The following CTNNA2 variants were observed in gnomAD, a reference collection of about 807,000 sequenced individuals.
CTNNA2 encodes the protein catenin alpha-2.
CTNNA2 carries 42 observed loss-of-function variants against 101.0 expected under a neutral mutation model. The observed-to-expected ratio is 0.42, with a 90% CI of 0.32 to 0.54. The LOEUF is 0.54. Among genes scored for constraint, CTNNA2 ranks in the 20% least tolerant of loss-of-function variants. The probability of loss-of-function intolerance (pLI) is 0.14; values close to 1 mark genes in which losing one functional copy is unlikely to be tolerated. For synonymous variants in CTNNA2, 450 were observed against 456.4 expected (o/e 0.99, Z 0.18); for missense variants, 871 against 1,223.1 (o/e 0.71, Z 4.29).
intron 7 of CTNNA2, among the ~76,000 whole-genome samples, chr2:80,360,826 A>G (rs145438144): frequency 1.0e-3 from 159 of 152,296 alleles, no homozygotes; most frequent in African/African-American, 3.6e-3. Context: ...ATGGAGATCT[A>G]TGCAGAACCT....
At chr2:79,790,450 G>A (rs1195613971) in intron 3 of CTNNA2, among the ~76,000 whole-genome samples, 4 of 152,138 alleles carry the variant, frequency 2.6e-5, no homozygotes, top group Non-Finnish European at 2.9e-5. Context: ...AGGGTAAAAT[G>A]CCAAAAAGAG....
chr2:79,303,233 C>T (rs559933528), intron 2 of CTNNA2, among the ~76,000 whole-genome samples: 2 of 152,284 alleles, frequency 1.3e-5, no homozygotes, highest in African/African-American at 4.8e-5. Flanking sequence ...GGTTCTGACC[C>T]AGGATCCACG....
At chr2:80,070,993 T>C (rs909615680) in intron 7 of CTNNA2, among the ~76,000 whole-genome samples, 4 of 152,234 alleles carry the variant, frequency 2.6e-5, no homozygotes, top group Non-Finnish European at 5.9e-5. Context: ...CAGAATAATC[T>C]TCCTATCTCA....
intron 1 of CTNNA2, among the ~76,000 whole-genome samples, chr2:79,596,667 C>T (rs903146759): frequency 1.3e-5 from 2 of 152,184 alleles, no homozygotes; most frequent in African/African-American, 4.8e-5. Flanking sequence ...TTCTTTGCAA[C>T]TGCTTTGCAC....
intron 1 of CTNNA2, among the ~76,000 whole-genome samples, chr2:79,641,175 G>T (rs546857096): frequency 1.3e-5 from 2 of 152,294 alleles, no homozygotes; most frequent in South Asian, 4.1e-4. Context: ...TTGGAAAAGA[G>T]AATTAAGCAG....
At chr2:80,348,981 G>C (rs1345946268) in intron 7 of CTNNA2, among the ~76,000 whole-genome samples, 1 of 152,098 alleles carries the variant, frequency 6.6e-6, no homozygotes, top group Non-Finnish European at 1.5e-5. Context: ...ATACTAAAAG[G>C]TTATTTCAGA....
chr2:80,546,091 A>G, intron 11 of CTNNA2, 28 bp downstream of exon 11: 1 of 1,610,922 alleles, frequency 6.2e-7, no homozygotes. Flanking sequence ...GTCCCTTACA[A>G]GGCAGCTGGA....
At chr2:80,188,079 T>C (rs1007558811) in intron 7 of CTNNA2, among the ~76,000 whole-genome samples, 2 of 152,216 alleles carry the variant, frequency 1.3e-5, no homozygotes, top group African/African-American at 2.4e-5. Flanking sequence ...AACCTATTGT[T>C]TCTCCATTAC....
chr2:80,606,490 C>T (rs570065317), intron 16 of CTNNA2, among the ~76,000 whole-genome samples: 13 of 151,214 alleles, frequency 8.6e-5, no homozygotes, highest in African/African-American at 1.9e-4. Flanking sequence ...TCAAAATAAA[C>T]GGATTAAGTT....
chr2:80,550,317 T>C (rs1001783846), intron 11 of CTNNA2, among the ~76,000 whole-genome samples: 3 of 152,136 alleles, frequency 2.0e-5, no homozygotes, highest in African/African-American at 7.2e-5. Flanking sequence ...TCTTTGATGG[T>C]AGGGGGGGTT....
chr2:79,667,208 A>C (rs773230973), intron 2 of CTNNA2, among the ~76,000 whole-genome samples: 4 of 152,204 alleles, frequency 2.6e-5, no homozygotes, highest in Non-Finnish European at 5.9e-5. Context: ...GCAGCGCAAA[A>C]TGTAGTAACT....
intron 9 of CTNNA2, among the ~76,000 whole-genome samples, chr2:80,441,314 A>G (rs1682553292): frequency 6.6e-6 from 1 of 152,156 alleles, no homozygotes; most frequent in Non-Finnish European, 1.5e-5. Flanking sequence ...TGCTGTTCAG[A>G]CTGGATATTT....
chr2:80,279,873 A>G (rs1208655389), intron 7 of CTNNA2, among the ~76,000 whole-genome samples: 7 of 152,048 alleles, frequency 4.6e-5, no homozygotes, highest in Admixed American at 6.6e-5. Flanking sequence ...AAAAAAATTT[A>G]TATCTCTTCT....
intron 4 of CTNNA2, among the ~76,000 whole-genome samples, chr2:79,444,896 C>T (rs777204949): frequency 6.6e-6 from 1 of 152,076 alleles, no homozygotes; most frequent in Non-Finnish European, 1.5e-5. Context: ...GAAGAAATTA[C>T]TCCTTCCTCA....
intron 1 of CTNNA2, among the ~76,000 whole-genome samples, chr2:79,594,506 G>A (rs887227081): frequency 1.3e-5 from 2 of 152,128 alleles, no homozygotes; most frequent in Non-Finnish European, 2.9e-5. Context: ...AGTTAGAATA[G>A]CGCTTGGCAC....
chr2:80,311,071 T>G (rs1165169450), intron 7 of CTNNA2, among the ~76,000 whole-genome samples: 2 of 152,108 alleles, frequency 1.3e-5, no homozygotes, highest in East Asian at 1.9e-4. Flanking sequence ...GATGAACTAT[T>G]AAGTTTTGGG....
intron 7 of CTNNA2, among the ~76,000 whole-genome samples, chr2:80,079,674 C>T (rs1420106595): frequency 5.3e-5 from 8 of 151,594 alleles, no homozygotes; most frequent in Admixed American, 2.6e-4. Context: ...ATTAGCCGGG[C>T]GTGGTGGCGG....
rs982890317 is a variant in CTNNA2 at position 80,387,132 on chromosome 2, CA to C, written c.1057-6072del. Among the ~76,000 whole-genome samples the C allele has an allele frequency of 4.8e-4, 73 of 151,936 alleles. 1 individual carries two copies. The highest frequency in any genetic ancestry group is 8.5e-4 in the Non-Finnish European group (58 of 67,930). The stretch of plus-strand genomic sequence containing the variant: ...TGAAACCCCGTCTTTATTAAAAATA[CA>C]AAAAAATTAGCCGGGCGTGGTGGCG... On this transcript the variant is annotated intron_variant, in intron 7 of 18. Coordinates refer to ENST00000402739, the MANE Select transcript of CTNNA2 (RefSeq NM_001282597.3).
intron 4 of CTNNA2, among the ~76,000 whole-genome samples, chr2:79,472,178 A>T (rs1292150678): frequency 6.6e-6 from 1 of 152,240 alleles, no homozygotes; most frequent in African/African-American, 2.4e-5. Flanking sequence ...TAGAAGATAT[A>T]GGAAAGAAGA....
Sources: gnomAD v4.1 joint callset for allele counts (sites outside exome capture counted in the v4.1 genomes callset) on GRCh38, gnomAD v4.1.1 for gene constraint, MANE v1.5 for transcripts, NCBI Gene and HGNC (gene_info 2026-07-23, HGNC 2026-07-21) for gene names.